The following DSG1 variants were observed in gnomAD, a reference collection of about 807,000 sequenced individuals.
The protein encoded by DSG1 is desmoglein 1, also known as desmoglein-1.
In DSG1, 39 loss-of-function variants were observed where a neutral mutation model predicts 97.5. The ratio of observed to expected loss-of-function variants is 0.40; its 90% CI spans 0.31 to 0.52. The LOEUF is 0.52. DSG1 is among the 20% of genes least tolerant of loss of function. DSG1 has a pLI of 0.53. For missense variants in DSG1, 1,311 were observed against 1,295.4 expected (o/e 1.01, Z -0.18); for synonymous variants, 475 against 443.4 (o/e 1.07, Z -0.90).
At chr18:31,351,986 C>T (rs866819180) in intron 14 of DSG1, among the ~76,000 whole-genome samples, 3,378 of 145,514 alleles carry the variant, frequency 0.023, 126 homozygotes, top group African/African-American at 0.088. Context: ...GTTAATATTG[C>T]TATGTGTGAA....
At chr18:31,320,040 G>A (rs184211106) in intron 1 of DSG1, among the ~76,000 whole-genome samples, 4 of 151,942 alleles carry the variant, frequency 2.6e-5, no homozygotes, top group Admixed American at 2.6e-4. Context: ...GAATTACAAT[G>A]TTTCATTTTC....
chr18:31,333,896 T>A (rs2071735783), intron 7 of DSG1, 121 bp from the exon 8 acceptor site: 1 of 1,143,538 alleles, frequency 8.7e-7, no homozygotes, highest in Admixed American at 1.8e-5. Context: ...CAATGAAAAA[T>A]GAGATGAAAA....
chr18:31,333,913 A>G (rs1017221849), intron 7 of DSG1, 104 bp from the exon 8 acceptor site: 3 of 1,131,750 alleles, frequency 2.7e-6, no homozygotes, highest in Non-Finnish European at 4.0e-6. Context: ...AAAACCACAG[A>G]TATCTTTTCT....
intron 14 of DSG1, among the ~76,000 whole-genome samples, chr18:31,350,703 G>A (rs1350557715): frequency 1.3e-5 from 2 of 150,098 alleles, no homozygotes; most frequent in Non-Finnish European, 3.0e-5. Context: ...TTGGGAGAGT[G>A]TATGTGTCCA....
rs1305237927 is a variant in DSG1, at chr18:31,343,499, T to C, written c.1737T>C (p.Ser579=). 1.9e-6 allele frequency: 3 copies of C among 1,614,198 alleles called. No homozygotes were observed. The highest frequency in any genetic ancestry group is 4.5e-5 in the East Asian group (2 of 44,878). The change falls in exon 12 of 15, where the codon AGT becomes AGC. Residue 579 remains serine, a synonymous_variant. Coordinates refer to ENST00000257192, the MANE Select transcript of DSG1 (RefSeq NM_001942.4). The stretch of plus-strand genomic sequence containing the variant: ...GTGATTGTGGAGGTGCTCCTCGTAG[T>C]GCAGCTGGCTTTGAGCCTGTTCCCG... The part of the protein sequence containing the change: ...ICCDCGGAPR[S]AAGFEPVPEC...
Position 31,334,069 on chromosome 18 carries a change from G to A in DSG1, c.872G>A (p.Arg291Lys). 6.2e-7 allele frequency: 1 copy of A among 1,611,044 alleles called. No individual in the cohort carries two copies. The highest frequency in any genetic ancestry group is 8.5e-7 in the Non-Finnish European group (1 of 1,177,566). The part of the protein sequence containing the change: ...NTLNSNLLEI[R>K]VIDLDEEFSA... The stretch of plus-strand genomic sequence containing the variant: ...CTAAATTCAAATTTGCTCGAGATTA[G>A]AGTAATTGATTTGGATGAAGAGTTC... Residue 291 changes from arginine (R) to lysine (K), a missense_variant, in exon 8 of 15, where the codon AGA (arginine) becomes AAA (lysine). Arg to Lys is a conservative substitution (Grantham distance 26, BLOSUM62 2). Transcript: ENST00000257192.
rs138176397 is a variant in DSG1, at chr18:31,355,250, C to T, written c.3054C>T (p.Ser1018=). Residue 1018 remains serine, a synonymous_variant, in exon 15 of 15, where the codon TCC becomes TCT. Coordinates refer to ENST00000257192, the MANE Select transcript of DSG1 (RefSeq NM_001942.4). ...CCAGCATTGGCCACATGAGGAGTTC[C>T]TCTGACCATCACTTTAACCAAACCA... ...GTASIGHMRS[S]SDHHFNQTIG... The T allele has an allele frequency of 1.7e-5, 28 of 1,611,690 alleles. No homozygotes were observed. The African/African-American group carries it at 3.5e-4, about 20-fold the overall frequency.
chr18:31,329,928 T>G lies in DSG1; in HGVS notation c.409T>G (p.Leu137Val), dbSNP rs368051982. 2.5e-6 allele frequency: 4 copies of G among 1,613,208 alleles called. No homozygotes were observed. The African/African-American group carries it at 5.3e-5, about 22-fold the overall frequency. ...AGCTCTGAACTCAATGGGCCAAGATTTAGAGAGGCCTCTAGAGCTCAGAGT... is the reference window on the plus strand; with the variant it reads ...AGCTCTGAACTCAATGGGCCAAGATGTAGAGAGGCCTCTAGAGCTCAGAGT... Reference protein sequence around the residue: ...CRALNSMGQDLERPLELRVRV... With the variant: ...CRALNSMGQDVERPLELRVRV... Residue 137 changes from leucine to valine, a missense_variant, in exon 5 of 15, where the codon TTA becomes GTA. Physicochemically the swap from Leu to Val is conservative, Grantham distance 32. Around this residue, in one of 3 missense-constraint regions of DSG1, gnomAD observed 259 missense variants for 304.1 expected, o/e 0.85. Transcript: ENST00000257192.
At position 31,326,913 on chromosome 18, in the gene DSG1, C is replaced by T. The variant is rs767566563; in HGVS notation, c.124C>T (p.His42Tyr). 5 of 1,613,834 alleles carry T rather than the reference C, an allele frequency of 3.1e-6. No individual in the cohort carries two copies. Among genetic ancestry groups the T allele is most frequent in the Non-Finnish European group, 4.2e-6 (5 of 1,179,850 alleles). Reference protein sequence around the residue: ...YNTKNGTIKWHSIRRQKREWI... With the variant: ...YNTKNGTIKWYSIRRQKREWI... Reference sequence around the variant, plus strand: ...CACTAAAAATGGCACCATCAAATGGCATTCAATCCGAAGGCAGAAACGTGA... The same window carrying T: ...CACTAAAAATGGCACCATCAAATGGTATTCAATCCGAAGGCAGAAACGTGA... Residue 42 changes from histidine (H) to tyrosine (Y), a missense_variant, in exon 3 of 15, where the codon CAT becomes TAT. By Grantham distance (83) the His-to-Tyr change is moderately conservative (BLOSUM62 2). Coordinates refer to ENST00000257192, the MANE Select transcript of DSG1 (RefSeq NM_001942.4).
In DSG1 at chr18:31,344,004, AAAG is replaced by A; in HGVS notation, c.1891+12_1891+14del. ...ATGCATTGACAACTCAGGTAAGAAA[AAAG>A]AATTTGTTTAACATCTCAAATGCTT... On this transcript the variant is annotated intron_variant, in intron 13 of 14. Coordinates refer to ENST00000257192, the MANE Select transcript of DSG1 (RefSeq NM_001942.4). 1 of 1,601,990 alleles carries A rather than the reference AAAG, an allele frequency of 6.2e-7. No homozygotes were observed. Among genetic ancestry groups the A allele is most frequent in the Non-Finnish European group, 8.6e-7 (1 of 1,169,348 alleles).
chr18:31,329,816 T>A, intron 4 of DSG1, 76 bp from the exon 5 acceptor site: 1 of 1,535,944 alleles, frequency 6.5e-7, no homozygotes, highest in Non-Finnish European at 9.0e-7. Context: ...TTCGCCACAG[T>A]GCTAGCATAA....
At position 31,334,217 on chromosome 18, in the gene DSG1, T is replaced by A. The variant is rs1461004506; in HGVS notation, c.1005+15T>A. 2.0e-6 allele frequency: 3 copies of A among 1,507,900 alleles called. No individual in the cohort carries two copies. Among genetic ancestry groups the A allele is most frequent in the South Asian group, 1.2e-5 (1 of 86,294 alleles). The allele number at this position is 1,507,900 out of a possible 1,614,324, so 93.4% of individuals were successfully genotyped here. A position where few individuals can be genotyped will look rare whatever the true frequency, so the allele number is the denominator to read the frequency against. On this transcript the variant is annotated intron_variant, in intron 8 of 14. Transcript: ENST00000257192. ...AGGTTGTTAAGGTATGGTATAATTA[T>A]CCTAAATATTTTGTTTTCTTAATCT... is the stretch of plus-strand genomic sequence containing the variant.
chr18:31,353,775 A>G (rs1205490488), intron 14 of DSG1: 1 of 160,474 alleles, frequency 6.2e-6, no homozygotes, highest in East Asian at 1.8e-4. Flanking sequence ...CAGAAAGGGA[A>G]CTCCCTGACC....
rs369133619 is a variant in DSG1 at position 31,354,659 on chromosome 18, G to A, written c.2463G>A (p.Leu821=). The A allele has an allele frequency of 7.2e-5, 117 of 1,614,150 alleles. No individual in the cohort carries two copies. Among genetic ancestry groups the A allele is most frequent in the African/African-American group, 8.0e-5 (6 of 75,032 alleles). The change falls in exon 15 of 15, where the codon CTG becomes CTA. Residue 821 remains leucine, a synonymous_variant. Transcript: ENST00000257192. ...ESTYPSGPGV[L]HPKPILDPLG... ...CCTATCCCTCGGGACCTGGTGTACT[G>A]CATCCTAAGCCTATTCTCGATCCTC...
rs1289382549 is a variant in DSG1, at chr18:31,357,595, T to G, written c.*2249T>G. 6.6e-6 allele frequency among the ~76,000 whole-genome samples: 1 copy of G among 152,052 alleles called. No individual in the cohort carries two copies. Among genetic ancestry groups the G allele is most frequent in the Non-Finnish European group, 1.5e-5 (1 of 67,920 alleles). On this transcript the variant is annotated 3_prime_UTR_variant, in exon 15 of 15. Transcript: ENST00000257192. ...GTTGTCTTGCAAACAACAAAATCAC[T>G]GTCTTTAATAACTGTTGCTGTCAAA...
intron 1 of DSG1, among the ~76,000 whole-genome samples, chr18:31,323,320 G>A (rs1248057391): frequency 2.0e-5 from 3 of 152,240 alleles, no homozygotes; most frequent in African/African-American, 7.2e-5. Flanking sequence ...CAAGGTCTAG[G>A]TCATTTAGGA....
chr18:31,323,807 A>G (rs1023876137), intron 1 of DSG1, among the ~76,000 whole-genome samples: 2 of 151,878 alleles, frequency 1.3e-5, no homozygotes, highest in African/African-American at 4.8e-5. Context: ...GTCCCTCAGA[A>G]CCTCAGGATT....
intron 9 of DSG1, 50 bp downstream of exon 9, chr18:31,336,663 C>T (rs2071756345): frequency 1.3e-6 from 2 of 1,561,844 alleles, no homozygotes; most frequent in African/African-American, 2.7e-5. Context: ...AACTTAAGTA[C>T]ATATGTTCTT....
intron 14 of DSG1, chr18:31,353,896 G>C: frequency 7.3e-6 from 2 of 272,716 alleles, no homozygotes. Flanking sequence ...GATGAACCCG[G>C]TACCTCAGAT....
Sources: allele counts gnomAD v4.1 joint callset (sites outside exome capture counted in the v4.1 genomes callset), GRCh38; gene constraint gnomAD v4.1.1; regional missense constraint gnomAD v4.1.1; transcripts MANE v1.5; gene names NCBI Gene and HGNC (gene_info 2026-07-23, HGNC 2026-07-21).